CST4: variants seen among roughly 807,000 people sequenced by gnomAD.
CST4 encodes cystatin-S.
CST4 carries 17 observed loss-of-function variants against 11.2 expected under a neutral mutation model. That is an observed-to-expected ratio of 1.52 (90% CI 1.04 to 2.27). The LOEUF is 2.27. Among genes scored for constraint, CST4 ranks in the 30% most tolerant of loss-of-function variants. The pLI, the probability that CST4 is intolerant of heterozygous loss-of-function variation, is 0.00. For missense variants in CST4, 251 were observed against 180.2 expected (o/e 1.39, Z -2.25); for synonymous variants, 93 against 70.1 (o/e 1.33, Z -1.63).
Position 23,688,897 on chromosome 20 carries a change from C to T in CST4, c.73G>A (p.Glu25Lys). 1.2e-6 allele frequency: 2 copies of T among 1,614,162 alleles called. No individual in the cohort carries two copies. The highest frequency in any genetic ancestry group is 1.7e-5 in the Admixed American group (1 of 60,026). Residue 25 changes from glutamate to lysine, a missense_variant, in exon 1 of 3, where the codon GAG becomes AAG. By Grantham distance (56) the Glu-to-Lys change is moderately conservative. Coordinates refer to ENST00000217423, the MANE Select transcript of CST4 (RefSeq NM_001899.3). ...LAGALASSSK[E>K]ENRIIPGGIY... ...CCACCTGGGATTATCCTATTCTCCT[C>T]CTTGGAGCTCGAGGCCAGAGCCCCA...
intron 2 of CST4, among the ~76,000 whole-genome samples, chr20:23,686,420 C>T (rs2405674): frequency 5.9e-5 from 9 of 152,176 alleles, no homozygotes; most frequent in East Asian, 1.9e-4. Flanking sequence ...AAGGGGAGTG[C>T]CGCTCTCCCC....
At chr20:23,686,990 G>GCA (rs1483100183) in intron 2 of CST4, 98 bp downstream of exon 2, 58 of 1,446,316 alleles carry the variant, frequency 4.0e-5, no homozygotes, top group South Asian at 8.2e-5. Flanking sequence ...ATACCCACCT[G>GCA]CACACACACA....
At chr20:23,687,657 C>T (rs73902125) in intron 1 of CST4, among the ~76,000 whole-genome samples, 4,532 of 152,302 alleles carry the variant, frequency 0.03, 213 homozygotes, top group African/African-American at 0.1. Context: ...ATACGTTTCT[C>T]AAGTCAGCAG....
At chr20:23,687,003 G>C (rs528768550) in intron 2 of CST4, 85 bp downstream of exon 2, 670 of 1,563,766 alleles carry the variant, frequency 4.3e-4, no homozygotes, top group South Asian at 8.6e-4. Context: ...CACACACACC[G>C]TCCAAACATG....
chr20:23,686,749 C>T (rs1458730316), intron 2 of CST4, among the ~76,000 whole-genome samples: 8 of 152,248 alleles, frequency 5.3e-5, no homozygotes, highest in South Asian at 2.1e-4. Context: ...CATCTGCACA[C>T]ACATAGGCAA....
chr20:23,688,920 C>T lies in CST4; in HGVS notation c.50G>A (p.Gly17Glu), dbSNP rs143937172. The T allele has an allele frequency of 1.3e-4, 203 of 1,613,870 alleles. No individual in the cohort carries two copies. Among genetic ancestry groups the T allele is most frequent in the Non-Finnish European group, 1.2e-4 (142 of 1,179,898 alleles). The change falls in exon 1 of 3, where the codon GGG (glycine) becomes GAG (glutamate). Residue 17 changes from glycine to glutamate, a missense_variant. Coordinates refer to ENST00000217423, the MANE Select transcript of CST4 (RefSeq NM_001899.3). ...TLLLLMATLAGALASSSKEEN... is the reference protein window; with the variant it reads ...TLLLLMATLAEALASSSKEEN... ...CTCCTTGGAGCTCGAGGCCAGAGCC[C>T]CAGCCAGGGTAGCCATCAGGAGTAG... is the stretch of plus-strand genomic sequence containing the variant.
intron 2 of CST4, among the ~76,000 whole-genome samples, chr20:23,686,216 C>G (rs940124464): frequency 6.6e-6 from 1 of 152,192 alleles, no homozygotes; most frequent in African/African-American, 2.4e-5. Flanking sequence ...AGTGTCCTGT[C>G]CCATCACAGC....
chr20:23,687,796 T>C (rs1981096935), intron 1 of CST4, among the ~76,000 whole-genome samples: 3 of 152,238 alleles, frequency 2.0e-5, no homozygotes, highest in Admixed American at 1.3e-4. Flanking sequence ...CAGGAGGAAC[T>C]GCTGAGATCC....
chr20:23,685,987 G>A lies in CST4; in HGVS notation c.343-10C>T. ...AAGAGCACAACTGTTTCTGTGAAAG[G>A]GAAGAGAGAGGGCCAATCAGTGTGG... On this transcript the variant is annotated splice_polypyrimidine_tract_variant and intron_variant, in intron 2 of 2. Coordinates refer to ENST00000217423, the MANE Select transcript of CST4 (RefSeq NM_001899.3). The A allele has an allele frequency of 1.9e-6, 3 of 1,612,892 alleles. No homozygotes were observed. Among genetic ancestry groups the A allele is most frequent in the Middle Eastern group, 3.3e-4 (2 of 6,058 alleles).
chr20:23,687,193 C>G lies in CST4; in HGVS notation c.237G>C (p.Gly79=), dbSNP rs767674116. 17 of 1,613,944 alleles carry G rather than the reference C, an allele frequency of 1.1e-5. No individual in the cohort carries two copies. Among genetic ancestry groups the G allele is most frequent in the East Asian group, 4.5e-5 (2 of 44,868 alleles). The change falls in exon 2 of 3, where the codon GGG becomes GGC. Residue 79 remains glycine (G), a synonymous_variant. Coordinates refer to ENST00000217423, the MANE Select transcript of CST4 (RefSeq NM_001899.3). ...QVLRAREQTF[G]GVNYFFDVEV... Reference sequence around the variant, plus strand: ...CTACGTCGAAGAAGTAATTCACCCCCCCAAAGGTCTGCACACAGGAGAAAA... The same window carrying G: ...CTACGTCGAAGAAGTAATTCACCCCGCCAAAGGTCTGCACACAGGAGAAAA...
At chr20:23,686,470 G>A (rs1981045037) in intron 2 of CST4, among the ~76,000 whole-genome samples, 1 of 152,170 alleles carries the variant, frequency 6.6e-6, no homozygotes, top group Admixed American at 6.5e-5. Context: ...TTCTTGGAGA[G>A]GCTGGTGTTG....
chr20:23,687,437 A>T (rs182301109), intron 1 of CST4, among the ~76,000 whole-genome samples: 6 of 152,172 alleles, frequency 3.9e-5, no homozygotes, highest in Non-Finnish European at 8.8e-5. Flanking sequence ...GAATTCTGCT[A>T]CCTGTGGCTC....
intron 2 of CST4, 90 bp downstream of exon 2, chr20:23,686,998 A>C (rs2122558423): frequency 6.5e-7 from 1 of 1,536,248 alleles, no homozygotes; most frequent in Non-Finnish European, 9.0e-7. Context: ...CTGCACACAC[A>C]CACCGTCCAA....
At chr20:23,687,888 T>C (rs948831875) in intron 1 of CST4, among the ~76,000 whole-genome samples, 1 of 152,314 alleles carries the variant, frequency 6.6e-6, no homozygotes. Flanking sequence ...TCCAAGTTAC[T>C]GTCATGCTTA....
intron 2 of CST4, among the ~76,000 whole-genome samples, chr20:23,686,551 G>A (rs972758294): frequency 5.3e-5 from 8 of 152,026 alleles, no homozygotes; most frequent in African/African-American, 1.7e-4. Flanking sequence ...TTGTGGCTTT[G>A]GCTGCATGCA....
intron 2 of CST4, among the ~76,000 whole-genome samples, chr20:23,686,211 C>T (rs544986479): frequency 1.3e-5 from 2 of 152,260 alleles, no homozygotes; most frequent in Admixed American, 1.3e-4. Flanking sequence ...CCTGCAGTGT[C>T]CTGTCCCATC....
At chr20:23,687,224 A>C in intron 1 of CST4, 23 bp from the exon 2 acceptor site, 1 of 1,607,622 alleles carries the variant, frequency 6.2e-7, no homozygotes, top group Non-Finnish European at 8.5e-7. Flanking sequence ...GAAAACAGGA[A>C]GCACGGACAG....
chr20:23,686,042 A>T, intron 2 of CST4, 65 bp from the exon 3 acceptor site: 1 of 1,533,944 alleles, frequency 6.5e-7, no homozygotes, highest in Non-Finnish European at 9.0e-7. Context: ...ATGCCCAGGC[A>T]TGAGATGTCA....
rs146152326 is a variant in CST4 at position 23,685,959 on chromosome 20, C to T, written c.361G>A (p.Glu121Lys). 29 of 1,613,810 alleles carry T rather than the reference C, an allele frequency of 1.8e-5. No homozygotes were observed. Among genetic ancestry groups the T allele is most frequent in the Admixed American group, 3.3e-5 (2 of 59,996 alleles). Residue 121 changes from glutamate (E) to lysine (K), a missense_variant, in exon 3 of 3, where the codon GAG becomes AAG. Physicochemically the swap from Glu to Lys is moderately conservative, Grantham distance 56. Coordinates refer to ENST00000217423, the MANE Select transcript of CST4 (RefSeq NM_001899.3). ...ELQKKQLCSFEIYEVPWEDRM... is the reference protein window; with the variant it reads ...ELQKKQLCSFKIYEVPWEDRM... ...TCCTCCCAGGGAACTTCGTAGATCT[C>T]GAAAGAGCACAACTGTTTCTGTGAA...
Sources: allele counts gnomAD v4.1 joint callset (sites outside exome capture counted in the v4.1 genomes callset), GRCh38; gene constraint gnomAD v4.1.1; transcripts MANE v1.5; gene names NCBI Gene and HGNC (gene_info 2026-07-23, HGNC 2026-07-21).